Variants in PITPNC1 observed in about 807,000 individuals in gnomAD.
PITPNC1 encodes phosphatidylinositol transfer protein cytoplasmic 1, also known as cytoplasmic phosphatidylinositol transfer protein 1.
A neutral mutation model predicts 44.7 loss-of-function variants in PITPNC1; 18 were observed. The observed-to-expected ratio is 0.40, with a 90% CI of 0.28 to 0.60. PITPNC1 has a LOEUF of 0.60. Ranked by LOEUF, PITPNC1 falls within the 20% of genes least tolerant of loss-of-function variation. The pLI is 0.39. For missense variants in PITPNC1, 290 were observed against 418.4 expected (o/e 0.69, Z 2.68); for synonymous variants, 141 against 149.6 (o/e 0.94, Z 0.42).
chr17:67,634,992 G>C (rs1446275399), intron 6 of PITPNC1, among the ~76,000 whole-genome samples: 1 of 152,130 alleles, frequency 6.6e-6, no homozygotes, highest in East Asian at 1.9e-4. Flanking sequence ...CGACTCAGGA[G>C]GCTGAGGTTG....
At chr17:67,505,639 T>G (rs2040090406) in intron 1 of PITPNC1, among the ~76,000 whole-genome samples, 1 of 152,182 alleles carries the variant, frequency 6.6e-6, no homozygotes, top group African/African-American at 2.4e-5. Flanking sequence ...AGACAGCATA[T>G]AGTTGGGTCT....
intron 6 of PITPNC1, among the ~76,000 whole-genome samples, chr17:67,633,115 C>G (rs116745311): frequency 6.6e-6 from 1 of 152,122 alleles, no homozygotes; most frequent in Non-Finnish European, 1.5e-5. Context: ...TGGCTGCTGA[C>G]GGAACTTGGG....
At chr17:67,529,337 G>C (rs140582702) in intron 1 of PITPNC1, among the ~76,000 whole-genome samples, 3 of 152,276 alleles carry the variant, frequency 2.0e-5, no homozygotes, top group African/African-American at 7.2e-5. Flanking sequence ...GGGTTGGAGT[G>C]CCTGAAGATG....
At chr17:67,588,292 C>T (rs2144251804) in intron 5 of PITPNC1, among the ~76,000 whole-genome samples, 1 of 152,342 alleles carries the variant, frequency 6.6e-6, no homozygotes, top group South Asian at 2.1e-4. Flanking sequence ...GCGTGAGCCA[C>T]CGTGCCCAGC....
intron 4 of PITPNC1, among the ~76,000 whole-genome samples, chr17:67,556,691 G>A (rs2040842264): frequency 6.6e-6 from 1 of 152,146 alleles, no homozygotes; most frequent in South Asian, 2.1e-4. Context: ...GCTCAGCTCA[G>A]AGCTTGTCCA....
chr17:67,671,684 C>T lies in PITPNC1; in HGVS notation c.618+2021C>T, dbSNP rs985910578. ...TCCTTTCCCGTGCTCCAGAACCCAG[C>T]CAGCCAGCCAGGAGCCAGAATGAAA... On this transcript the variant is annotated intron_variant, in intron 7 of 8. Transcript: ENST00000581322. Among the ~76,000 whole-genome samples, 5 of 152,218 alleles carry T rather than the reference C, an allele frequency of 3.3e-5. No individual in the cohort carries two copies. In the East Asian group the frequency reaches 5.8e-4, roughly 18 times the overall value.
In PITPNC1 at chr17:67,554,253, A is replaced by ATTT. The variant is rs11413972; in HGVS notation, c.294+655_294+657dup. On this transcript the variant is annotated intron_variant, in intron 4 of 8. Coordinates refer to ENST00000581322, the MANE Select transcript of PITPNC1 (RefSeq NM_012417.4). ...TATCACAACAAGAAAATAGTTTATG[A>ATTT]TTTTTTTTTTTTTTTTTTTTTGAGA... Among the ~76,000 whole-genome samples the ATTT allele has an allele frequency of 6.7e-4, 74 of 111,068 alleles. 1 individual carries two copies. Among genetic ancestry groups the ATTT allele is most frequent in the East Asian group, 1.5e-3 (6 of 3,974 alleles). 72.9% of individuals were successfully genotyped at this position (111,068 alleles called of 152,430 possible).
chr17:67,459,113 C>CTTTTTTTTTT (rs886333854), intron 1 of PITPNC1, among the ~76,000 whole-genome samples: 9 of 95,728 alleles, frequency 9.4e-5, no homozygotes, highest in Admixed American at 3.2e-4. Flanking sequence ...TTTTCTTTTT[C>CTTTTTTTTTT]TTTTTTTTTT....
At chr17:67,505,341 AG>A (rs1345351502) in intron 1 of PITPNC1, among the ~76,000 whole-genome samples, 1 of 152,208 alleles carries the variant, frequency 6.6e-6, no homozygotes, top group East Asian at 1.9e-4. Context: ...GTGATAGTTT[AG>A]TTTAATTGTG....
chr17:67,675,569 G>A (rs369474786), intron 8 of PITPNC1, 27 bp downstream of exon 8: 16 of 1,481,768 alleles, frequency 1.1e-5, no homozygotes, highest in Non-Finnish European at 1.3e-5. Flanking sequence ...AAAATAACTT[G>A]TAGAACAACT....
In PITPNC1 at chr17:67,528,734, C is replaced by CT. The variant is rs1051172264; in HGVS notation, c.49-4064dup. On this transcript the variant is annotated intron_variant, in intron 1 of 8. Coordinates refer to ENST00000581322, the MANE Select transcript of PITPNC1 (RefSeq NM_012417.4). ...TGTGCATTTCTGAAAGATTCCCACT[C>CT]TTTTCTCCCCAGAGTCTGAATGGAG... Among the ~76,000 whole-genome samples the CT allele has an allele frequency of 5.9e-5, 9 of 152,236 alleles. 1 individual carries two copies. The highest frequency in any genetic ancestry group is 2.2e-4 in the African/African-American group (9 of 41,464).
At chr17:67,608,666 GTTT>G (rs373586575) in intron 5 of PITPNC1, among the ~76,000 whole-genome samples, 1 of 128,036 alleles carries the variant, frequency 7.8e-6, no homozygotes, top group Non-Finnish European at 1.7e-5. Context: ...AGTTTTTCTA[GTTT>G]TTTTTTTTTT....
At chr17:67,467,774 A>C (rs2039449633) in intron 1 of PITPNC1, among the ~76,000 whole-genome samples, 1 of 152,238 alleles carries the variant, frequency 6.6e-6, no homozygotes, top group South Asian at 2.1e-4. Context: ...TCTAAGAATA[A>C]AACCCCCAAA....
Position 67,693,117 on chromosome 17 carries a change from C to G in PITPNC1, c.*229C>G. 4.0e-6 allele frequency: 2 copies of G among 496,322 alleles called. No homozygotes were observed. The highest frequency in any genetic ancestry group is 7.1e-6 in the Non-Finnish European group (2 of 283,598). 30.7% of individuals were successfully genotyped at this position (496,322 alleles called of 1,614,324 possible). On this transcript the variant is annotated 3_prime_UTR_variant, in exon 9 of 9. Transcript: ENST00000581322. ...ACTTGCAAAGGACAGAAGGAATCTT[C>G]TGTAACCACATAGCTGTATGCCAGA...
chr17:67,665,674 T>C (rs773308225), intron 6 of PITPNC1, among the ~76,000 whole-genome samples: 4 of 152,174 alleles, frequency 2.6e-5, no homozygotes, highest in Non-Finnish European at 4.4e-5. Context: ...CAGCCACATG[T>C]GTGTGATACG....
intron 1 of PITPNC1, among the ~76,000 whole-genome samples, chr17:67,439,529 G>T (rs2038982821): frequency 6.6e-6 from 1 of 152,150 alleles, no homozygotes; most frequent in Non-Finnish European, 1.5e-5. Flanking sequence ...AATTATGGAA[G>T]AAAATTTCTC....
chr17:67,644,121 A>C (rs1468837412), intron 6 of PITPNC1, among the ~76,000 whole-genome samples: 1 of 152,146 alleles, frequency 6.6e-6, no homozygotes, highest in Non-Finnish European at 1.5e-5. Flanking sequence ...GTTTAACCTG[A>C]ATTCCGGATG....
rs185174305 is a variant in PITPNC1 at position 67,673,883 on chromosome 17, G to A, written c.619-1596G>A. Among the ~76,000 whole-genome samples, 101 of 150,870 alleles carry A rather than the reference G, an allele frequency of 6.7e-4. No homozygotes were observed. In the East Asian group the frequency reaches 0.013, roughly 20 times the overall value. ...GGAGAATCACTTGAACCAGGGAAGC[G>A]GAGGTTACAGTGAGCCGAGATCGCA... On this transcript the variant is annotated intron_variant, in intron 7 of 8. Transcript: ENST00000581322.
chr17:67,529,325 G>C (rs1462639318), intron 1 of PITPNC1, among the ~76,000 whole-genome samples: 1 of 152,184 alleles, frequency 6.6e-6, no homozygotes, highest in Non-Finnish European at 1.5e-5. Context: ...TCATACGTGA[G>C]TGGGTTGGAG....
Sources: allele counts gnomAD v4.1 joint callset (sites outside exome capture counted in the v4.1 genomes callset), GRCh38; gene constraint gnomAD v4.1.1; transcripts MANE v1.5; gene names NCBI Gene and HGNC (gene_info 2026-07-23, HGNC 2026-07-21).